The following ANKRD28 variants were observed in gnomAD, a reference collection of about 807,000 sequenced individuals.
ANKRD28 encodes ankyrin repeat domain 28, also known as serine/threonine-protein phosphatase 6 regulatory ankyrin repeat subunit A.
A neutral mutation model predicts 126.5 loss-of-function variants in ANKRD28; 44 were observed. The observed-to-expected ratio is 0.35, with a 90% CI of 0.27 to 0.45. The LOEUF (loss-of-function observed/expected upper bound fraction) is 0.45, where lower values mean the gene tolerates loss of function less well. ANKRD28 is among the 20% of genes least tolerant of loss of function. The pLI is 1.00. For missense variants in ANKRD28, 1,110 were observed against 1,316.6 expected (o/e 0.84, Z 2.43); for synonymous variants, 442 against 468.5 (o/e 0.94, Z 0.73).
chr3:15,688,322 C>T (rs1014377928), intron 18 of ANKRD28, among the ~76,000 whole-genome samples: 3 of 152,184 alleles, frequency 2.0e-5, no homozygotes, highest in Non-Finnish European at 4.4e-5. Flanking sequence ...AACAGGGTTT[C>T]ATCATGTTGC....
chr3:15,780,152 C>T (rs1375684954), intron 2 of ANKRD28, among the ~76,000 whole-genome samples: 1 of 152,062 alleles, frequency 6.6e-6, no homozygotes, highest in African/African-American at 2.4e-5. Context: ...CAGACATGAT[C>T]TTACACAGAG....
chr3:15,775,774 G>T (rs950226911), intron 2 of ANKRD28, among the ~76,000 whole-genome samples: 1 of 152,158 alleles, frequency 6.6e-6, no homozygotes, highest in Non-Finnish European at 1.5e-5. Flanking sequence ...CACCCTCCAG[G>T]AACTGCCACA....
At chr3:15,674,196 A>AAAAAAAAAAGAAG (rs1470515364) in intron 27 of ANKRD28, among the ~76,000 whole-genome samples, 4 of 130,078 alleles carry the variant, frequency 3.1e-5, no homozygotes, top group African/African-American at 1.3e-4. Context: ...AAAAAAAAAA[A>AAAAAAAAAAGAAG]AAGAAGAAGA....
At chr3:15,682,425 A>G (rs1046432669) in intron 21 of ANKRD28, among the ~76,000 whole-genome samples, 2 of 152,196 alleles carry the variant, frequency 1.3e-5, no homozygotes, top group Non-Finnish European at 2.9e-5. Flanking sequence ...CAAGCAGACA[A>G]TCTCATAACT....
intron 2 of ANKRD28, among the ~76,000 whole-genome samples, chr3:15,793,390 T>C (rs765903826): frequency 1.1e-4 from 17 of 152,220 alleles, no homozygotes; most frequent in Non-Finnish European, 1.8e-4. Flanking sequence ...CAAAAACCTT[T>C]GTATCACTGA....
At chr3:15,822,491 T>C (rs2060965554) in intron 1 of ANKRD28, among the ~76,000 whole-genome samples, 1 of 152,208 alleles carries the variant, frequency 6.6e-6, no homozygotes, top group Non-Finnish European at 1.5e-5. Context: ...GGGGAAACAT[T>C]GGCTCTCCAG....
intron 2 of ANKRD28, among the ~76,000 whole-genome samples, chr3:15,789,790 A>C (rs1483792971): frequency 6.6e-6 from 1 of 152,168 alleles, no homozygotes; most frequent in East Asian, 1.9e-4. Flanking sequence ...TGAATATATA[A>C]TTTTTTAAAA....
Position 15,707,944 on chromosome 3 carries a change from A to G in ANKRD28, c.1527T>C (p.Ala509=), listed in dbSNP as rs755244044. Residue 509 remains alanine, a synonymous_variant, in exon 14 of 28, where the codon GCT becomes GCC. Coordinates refer to ENST00000683139, the MANE Select transcript of ANKRD28 (RefSeq NM_001349278.2). ...CTTACTTGCCATCTGTGTCTGATGT[A>G]GCTGCATAGTGCAGGGGTGTGCAGC... ...ERGCTPLHYA[A]TSDTDGKCLE... is the part of the protein sequence containing the mutation. The G allele has an allele frequency of 6.2e-7, 1 of 1,613,348 alleles. No individual in the cohort carries two copies. The highest frequency in any genetic ancestry group is 8.5e-7 in the Non-Finnish European group (1 of 1,179,542).
At chr3:15,678,404 T>A (rs753830845) in intron 23 of ANKRD28, 50 bp from the exon 24 acceptor site, 1 of 1,520,482 alleles carries the variant, frequency 6.6e-7, no homozygotes, top group South Asian at 1.2e-5. Context: ...ATGTTATATA[T>A]GCTGGAAAAA....
chr3:15,725,453 C>T lies in ANKRD28; in HGVS notation c.641-929G>A, dbSNP rs78550414. 4.2e-3 allele frequency among the ~76,000 whole-genome samples: 642 copies of T among 152,268 alleles called. 4 individuals carry two copies. Among genetic ancestry groups the T allele is most frequent in the East Asian group, 0.019 (97 of 5,186 alleles). On this transcript the variant is annotated intron_variant, in intron 6 of 27. Transcript: ENST00000683139. ...TTCATAAATTCTAAAGTTAGCTTTT[C>T]ATTTCTAATGCTGGCATACCATATT...
intron 27 of ANKRD28, among the ~76,000 whole-genome samples, chr3:15,675,121 T>G (rs1305620679): frequency 6.6e-6 from 1 of 151,976 alleles, no homozygotes; most frequent in African/African-American, 2.4e-5. Context: ...AATACAAAAT[T>G]TAGCCAGGCG....
intron 3 of ANKRD28, among the ~76,000 whole-genome samples, chr3:15,761,170 C>G (rs1035330274): frequency 7.9e-5 from 12 of 152,088 alleles, no homozygotes; most frequent in Admixed American, 7.9e-4. Flanking sequence ...AAACATATGA[C>G]TTTAATGCAA....
In ANKRD28 at chr3:15,843,414, C is replaced by T. The variant is rs1409223651; in HGVS notation, c.27+15963G>A. On this transcript the variant is annotated intron_variant, in intron 1 of 27. Transcript: ENST00000399451. The surrounding 1 kb of genome is among the most constrained non-coding windows in gnomAD (Gnocchi z 5.2). ...ATCCAAACTCTATCACCTGGTTTTG[C>T]CCCATCTGAGCATCAGAATCTTAAT... Among the ~76,000 whole-genome samples, 1 of 152,106 alleles carries T rather than the reference C, an allele frequency of 6.6e-6. No homozygotes were observed.
intron 2 of ANKRD28, among the ~76,000 whole-genome samples, chr3:15,778,339 G>A (rs935458965): frequency 8.5e-5 from 13 of 152,176 alleles, no homozygotes. Flanking sequence ...CAGGCATGGT[G>A]TGACTGGGTT....
chr3:15,765,596 C>T (rs570491635), intron 3 of ANKRD28, among the ~76,000 whole-genome samples: 1 of 152,218 alleles, frequency 6.6e-6, no homozygotes, highest in African/African-American at 2.4e-5. Context: ...AATCCCAGCA[C>T]TTTGGGAGGC....
chr3:15,777,849 TACACAC>T (rs569761948), intron 2 of ANKRD28, among the ~76,000 whole-genome samples: 6,464 of 106,078 alleles, frequency 0.061, 192 homozygotes, highest in African/African-American at 0.085. Context: ...AAAACCAAAC[TACACAC>T]ACACACACAC....
Position 15,852,832 on chromosome 3 carries a change from C to CAAA in ANKRD28, c.27+6542_27+6544dup, listed in dbSNP as rs71064237. Among the ~76,000 whole-genome samples the CAAA allele has an allele frequency of 3.7e-3, 233 of 63,634 alleles. 1 individual carries two copies. Among genetic ancestry groups the CAAA allele is most frequent in the Admixed American group, 4.2e-3 (21 of 5,036 alleles). 41.7% of individuals were successfully genotyped at this position (63,634 alleles called of 152,430 possible). A position where few individuals can be genotyped will look rare whatever the true frequency, so the allele number is the denominator to read the frequency against. ...TGGGCGACAGTGCGAGACTCTGTCT[C>CAAA]AAAAAAAAAAAAAAAAAAAAAAAAG... is the stretch of plus-strand genomic sequence containing the variant. On this transcript the variant is annotated intron_variant, in intron 1 of 27. Coordinates refer to the ANKRD28 transcript ENST00000399451.
intron 4 of ANKRD28, among the ~76,000 whole-genome samples, chr3:15,741,909 G>C (rs969767716): frequency 2.6e-5 from 4 of 151,856 alleles, no homozygotes; most frequent in Middle Eastern, 3.4e-3. Context: ...ACTGGTTTTC[G>C]TATTTTTTTG....
At chr3:15,788,057 A>G (rs1391471068) in intron 2 of ANKRD28, among the ~76,000 whole-genome samples, 1 of 152,192 alleles carries the variant, frequency 6.6e-6, no homozygotes, top group Non-Finnish European at 1.5e-5. Context: ...AGGGTTGCTC[A>G]TAATCTCAGC....
Sources: allele counts gnomAD v4.1 joint callset (sites outside exome capture counted in the v4.1 genomes callset), GRCh38; gene constraint gnomAD v4.1.1; non-coding constraint Gnocchi (gnomAD v3.1); transcripts MANE v1.5; gene names NCBI Gene and HGNC (gene_info 2026-07-23, HGNC 2026-07-21).